The following CRB1 variants were observed in gnomAD, a reference collection of about 807,000 sequenced individuals.
CRB1 encodes the protein protein crumbs homolog 1.
CRB1 carries 83 observed loss-of-function variants against 120.0 expected under a neutral mutation model. The observed-to-expected ratio is 0.69, with a 90% CI of 0.58 to 0.83. The LOEUF is 0.83. Ranked by LOEUF, CRB1 falls within the 40% of genes least tolerant of loss-of-function variation. CRB1 has a pLI of 0.00. For synonymous variants in CRB1, 625 were observed against 612.5 expected, an observed-to-expected ratio of 1.02 and a Z score of -0.30; for missense variants, 1,699 against 1,687.6, an observed-to-expected ratio of 1.01 and a Z score of -0.12.
intron 1 of CRB1, among the ~76,000 whole-genome samples, chr1:197,309,833 A>T (rs1444938465): frequency 6.6e-6 from 1 of 152,094 alleles, no homozygotes; most frequent in Non-Finnish European, 1.5e-5. Context: ...GATGAAGGTT[A>T]CACACAGAGA....
intron 1 of CRB1, among the ~76,000 whole-genome samples, chr1:197,272,825 T>C (rs1654981185): frequency 6.6e-6 from 1 of 152,182 alleles, no homozygotes; most frequent in Non-Finnish European, 1.5e-5. Flanking sequence ...TTCTGCATAA[T>C]ACTTTAATGG....
At chr1:197,209,230 C>T in the CRB1 span, among the ~76,000 whole-genome samples, 2 of 152,220 alleles carry the variant, frequency 1.3e-5, no homozygotes, top group African/African-American at 2.4e-5. Flanking sequence ...TCTGCACTCC[C>T]GATTTGCTCC....
chr1:197,311,658 A>G lies in CRB1; in HGVS notation c.71-16764A>G, dbSNP rs190705686. Among the ~76,000 whole-genome samples the G allele has an allele frequency of 3.1e-3, 463 of 151,650 alleles. 1 individual carries two copies. Among genetic ancestry groups the G allele is most frequent in the African/African-American group, 0.011 (452 of 41,346 alleles). ...ATGTATATATTGTGAAATGATTACCACAATCAAGTTAGTTAACACATGCAT... is the reference window on the plus strand; with the variant it reads ...ATGTATATATTGTGAAATGATTACCGCAATCAAGTTAGTTAACACATGCAT... On this transcript the variant is annotated intron_variant, in intron 1 of 11. Transcript: ENST00000367400.
In CRB1 at chr1:197,477,973, C is replaced by A; in HGVS notation, c.*94C>A. The A allele has an allele frequency of 8.1e-7, 1 of 1,240,470 alleles. No homozygotes were observed. Among genetic ancestry groups the A allele is most frequent in the Non-Finnish European group, 1.2e-6 (1 of 843,896 alleles). 76.8% of individuals were successfully genotyped at this position (1,240,470 alleles called of 1,614,324 possible). ...TGACATACCTGACAATGTTAATCTG[C>A]AACTGGGATTACACTGGAACTACAG... is the stretch of plus-strand genomic sequence containing the variant. On this transcript the variant is annotated 3_prime_UTR_variant, in exon 12 of 12. Coordinates refer to ENST00000367400, the MANE Select transcript of CRB1 (RefSeq NM_201253.3).
the CRB1 span, among the ~76,000 whole-genome samples, chr1:197,259,238 T>C: frequency 6.6e-6 from 1 of 152,236 alleles, no homozygotes; most frequent in Non-Finnish European, 1.5e-5. Flanking sequence ...CGTATGTTTA[T>C]TGCAGTGCTA....
intron 6 of CRB1, among the ~76,000 whole-genome samples, chr1:197,422,340 T>G (rs1197133793): frequency 1.3e-5 from 2 of 152,088 alleles, no homozygotes; most frequent in Non-Finnish European, 2.9e-5. Context: ...GACATAAAAT[T>G]TGTCAGTGCC....
At chr1:197,406,250 G>T (rs980117527) in intron 5 of CRB1, among the ~76,000 whole-genome samples, 1 of 152,288 alleles carries the variant, frequency 6.6e-6, no homozygotes, top group Admixed American at 6.5e-5. Context: ...CTTCTGCCTT[G>T]GGATCTTCTT....
At chr1:197,373,783 T>C (rs1661500231) in intron 5 of CRB1, among the ~76,000 whole-genome samples, 1 of 152,186 alleles carries the variant, frequency 6.6e-6, no homozygotes. Context: ...GTGTGGAATG[T>C]CCATTGAATA....
chr1:197,250,319 G>A, the CRB1 span, among the ~76,000 whole-genome samples: 41 of 151,762 alleles, frequency 2.7e-4, no homozygotes, highest in East Asian at 2.3e-3. Context: ...CAATCAATTC[G>A]TTTCATCTCT....
intron 4 of CRB1, among the ~76,000 whole-genome samples, chr1:197,354,440 C>T (rs1197374458): frequency 1.3e-5 from 2 of 152,102 alleles, no homozygotes; most frequent in African/African-American, 4.8e-5. Context: ...GGGGTGTCCG[C>T]AGTCTGTTCT....
the CRB1 span, among the ~76,000 whole-genome samples, chr1:197,259,890 C>G: frequency 6.6e-6 from 1 of 151,884 alleles, no homozygotes; most frequent in East Asian, 1.9e-4. Context: ...TGGCTCATGC[C>G]TGCAATCCCA....
chr1:197,460,083 C>G (rs1666459634), intron 11 of CRB1, among the ~76,000 whole-genome samples: 1 of 119,404 alleles, frequency 8.4e-6, no homozygotes, highest in Non-Finnish European at 1.7e-5. Context: ...GTTTTTAGAC[C>G]TATGATGCTC....
At chr1:197,224,159 G>T in the CRB1 span, among the ~76,000 whole-genome samples, 1 of 151,470 alleles carries the variant, frequency 6.6e-6, no homozygotes, top group East Asian at 1.9e-4. Flanking sequence ...TAAAGCTCTT[G>T]TACTTAGCCA....
intron 11 of CRB1, among the ~76,000 whole-genome samples, chr1:197,460,926 G>C (rs1666501102): frequency 6.6e-6 from 1 of 152,138 alleles, no homozygotes; most frequent in African/African-American, 2.4e-5. Flanking sequence ...AACAGGTCTA[G>C]GGGCAAATAT....
chr1:197,397,155 T>C (rs2125425086), intron 5 of CRB1, among the ~76,000 whole-genome samples: 1 of 152,236 alleles, frequency 6.6e-6, no homozygotes, highest in East Asian at 1.9e-4. Flanking sequence ...TCACATAAGA[T>C]AGCAAATAAG....
intron 1 of CRB1, among the ~76,000 whole-genome samples, chr1:197,272,871 AAG>A (rs1262607997): frequency 6.6e-6 from 1 of 152,194 alleles, no homozygotes; most frequent in East Asian, 1.9e-4. Flanking sequence ...TTACAGTACA[AAG>A]AGTCAATCTA....
chr1:197,253,646 A>T, the CRB1 span, among the ~76,000 whole-genome samples: 11 of 152,270 alleles, frequency 7.2e-5, no homozygotes, highest in African/African-American at 2.2e-4. Context: ...GGGAAGATTT[A>T]AAAAATACAG....
chr1:197,369,129 G>A (rs1308849920), intron 5 of CRB1, among the ~76,000 whole-genome samples: 1 of 152,072 alleles, frequency 6.6e-6, no homozygotes, highest in Admixed American at 6.5e-5. Flanking sequence ...CTACTCATGA[G>A]GATGCCCATC....
intron 6 of CRB1, among the ~76,000 whole-genome samples, chr1:197,423,453 A>C (rs1367415918): frequency 6.6e-6 from 1 of 152,184 alleles, no homozygotes; most frequent in African/African-American, 2.4e-5. Context: ...AGACAGAGAG[A>C]GTTCTGTGAA....
Sources: allele counts gnomAD v4.1 joint callset (sites outside exome capture counted in the v4.1 genomes callset), GRCh38; gene constraint gnomAD v4.1.1; transcripts MANE v1.5; gene names NCBI Gene and HGNC (gene_info 2026-07-23, HGNC 2026-07-21).